The following PNPLA6 variants were observed in gnomAD, a reference collection of about 807,000 sequenced individuals.
PNPLA6 encodes patatin-like phospholipase domain-containing protein 6.
Under a neutral mutation model 153.7 loss-of-function variants are expected in PNPLA6, and 105 were observed. The ratio of observed to expected loss-of-function variants is 0.68; its 90% CI spans 0.58 to 0.80. The LOEUF is 0.80. PNPLA6 is among the 30% of genes least tolerant of loss of function. The pLI, the probability that PNPLA6 is intolerant of heterozygous loss-of-function variation, is 0.00. For missense variants in PNPLA6, 1,423 were observed against 1,919.3 expected (o/e 0.74, Z 4.83); for synonymous variants, 825 against 822.2 (o/e 1.00, Z -0.06).
chr19:7,560,171 A>G lies in PNPLA6; in HGVS notation c.3700-477A>G, dbSNP rs372928533. Among the ~76,000 whole-genome samples, 3 of 152,246 alleles carry G rather than the reference A, an allele frequency of 2.0e-5. No individual in the cohort carries two copies. The East Asian group carries it at 5.8e-4, about 29-fold the overall frequency. ...ATAATATTAATTTTAAAAATTAAAG[A>G]TAAAAATAATAAAAATTTTTTTAAA... On this transcript the variant is annotated intron_variant, in intron 28 of 31. Coordinates refer to ENST00000600737, the MANE Select transcript of PNPLA6 (RefSeq NM_001166114.2).
chr19:7,535,492 A>T, upstream of PNPLA6: 1 of 1,551,442 alleles, frequency 6.4e-7, no homozygotes, highest in Non-Finnish European at 8.8e-7. The surrounding 1 kb of genome is among the most constrained non-coding windows in gnomAD (Gnocchi z 5.0). Flanking sequence ...GGTTCCTTCG[A>T]CTCCTTGATT....
At chr19:7,542,473 T>TACAG (rs1203312704) in intron 10 of PNPLA6, 88 bp from the exon 11 acceptor site, 1 of 991,122 alleles carries the variant, frequency 1.0e-6, no homozygotes, top group African/African-American at 1.6e-5. Context: ...TAGCTGGAAC[T>TACAG]ACAGGCCTGC....
In PNPLA6 at chr19:7,540,402, C is replaced by T. The variant is rs573550083; in HGVS notation, c.714+94C>T. ...GTAGAGCTGGTGGTCTTTGGAGATG[C>T]GTCATCGGGAGTCAGGGGAACGGGT... On this transcript the variant is annotated intron_variant, in intron 5 of 31. Coordinates refer to ENST00000600737, the MANE Select transcript of PNPLA6 (RefSeq NM_001166114.2). This position sits in a 1 kb window ranked among gnomAD's most constrained non-coding sequence, Gnocchi z 6.8. 1.8e-5 allele frequency: 25 copies of T among 1,380,156 alleles called. No individual in the cohort carries two copies. The African/African-American group carries it at 2.3e-4, about 12-fold the overall frequency. The allele number at this position is 1,380,156 out of a possible 1,614,324, so 85.5% of individuals were successfully genotyped here.
chr19:7,534,452 G>C (rs1305220473), upstream of PNPLA6: 4 of 154,934 alleles, frequency 2.6e-5, no homozygotes, highest in East Asian at 7.7e-4. Flanking sequence ...TCCAAGTAAC[G>C]ACTCGGAGTC....
At chr19:7,538,482 C>T (rs541684888) in intron 3 of PNPLA6, among the ~76,000 whole-genome samples, 1 of 151,956 alleles carries the variant, frequency 6.6e-6, no homozygotes, top group African/African-American at 2.4e-5. Flanking sequence ...CACGCCCAGC[C>T]AAAAAAGGAA....
intron 13 of PNPLA6, among the ~76,000 whole-genome samples, chr19:7,548,317 C>T (rs2023475893): frequency 6.6e-6 from 1 of 151,600 alleles, no homozygotes; most frequent in African/African-American, 2.4e-5. Flanking sequence ...GCACTCCAGC[C>T]TGGGCAACAG....
At position 7,550,362 on chromosome 19, in the gene PNPLA6, C is replaced by T. The variant is rs781473840; in HGVS notation, c.1879C>T (p.Pro627Ser). The part of the protein sequence containing the change: ...AAHTVAARMS[P>S]FVRQMDFAID... ...GCACACGGTGGCAGCCAGGATGTCG[C>T]CCTTCGTGCGCCAGATGGACTTCGC... The change falls in exon 15 of 32, where the codon CCC (proline) becomes TCC (serine). Residue 627 changes from proline (P) to serine (S), a missense_variant. Physicochemically the swap from Pro to Ser is moderately conservative, Grantham distance 74. Around this residue, in one of 10 missense-constraint regions of PNPLA6, gnomAD observed 119 missense variants for 163.7 expected, o/e 0.73. Coordinates refer to ENST00000600737, the MANE Select transcript of PNPLA6 (RefSeq NM_001166114.2). The T allele has an allele frequency of 6.2e-7, 1 of 1,612,202 alleles. No homozygotes were observed. The highest frequency in any genetic ancestry group is 1.3e-5 in the African/African-American group (1 of 74,948).
chr19:7,535,479 A>G, upstream of PNPLA6: 1 of 1,495,952 alleles, frequency 6.7e-7, no homozygotes, highest in Non-Finnish European at 9.1e-7. This position sits in a 1 kb window ranked among gnomAD's most constrained non-coding sequence, Gnocchi z 5.0. Context: ...GACGACTTGC[A>G]CGGGTTCCTT....
Position 7,555,171 on chromosome 19 carries a change from G to C in PNPLA6, c.2818-78G>C. 2.0e-6 allele frequency: 3 copies of C among 1,516,148 alleles called. No individual in the cohort carries two copies. The highest frequency in any genetic ancestry group is 2.7e-6 in the Non-Finnish European group (3 of 1,119,340). 93.9% of individuals were successfully genotyped at this position (1,516,148 alleles called of 1,614,324 possible). ...GCCTGGGAGGGCTGAGGACAGGCTCGAAGGTCAGGGTACCCCTGGGGGATC... is the reference window on the plus strand; with the variant it reads ...GCCTGGGAGGGCTGAGGACAGGCTCCAAGGTCAGGGTACCCCTGGGGGATC... On this transcript the variant is annotated intron_variant, in intron 22 of 31. Coordinates refer to ENST00000600737, the MANE Select transcript of PNPLA6 (RefSeq NM_001166114.2). This position sits in a 1 kb window ranked among gnomAD's most constrained non-coding sequence, Gnocchi z 6.3.
chr19:7,549,093 G>A (rs112984933), intron 13 of PNPLA6, among the ~76,000 whole-genome samples: 18,511 of 150,380 alleles, frequency 0.12, 1,592 homozygotes, highest in African/African-American at 0.24. Context: ...ATGAGCCATC[G>A]CGCCCGGCTA....
At chr19:7,547,702 A>G (rs959729245) in intron 13 of PNPLA6, among the ~76,000 whole-genome samples, 4 of 152,034 alleles carry the variant, frequency 2.6e-5, no homozygotes, top group African/African-American at 4.8e-5. Context: ...TAGTGACGCT[A>G]TCATAGCTCA....
At position 7,550,441 on chromosome 19, in the gene PNPLA6, A is replaced by G. The variant is rs370429845; in HGVS notation, c.1946+12A>G. On this transcript the variant is annotated intron_variant, in intron 15 of 31. Transcript: ENST00000600737. ...CGCGCGCTGTACAGGTGCAGCTCCC[A>G]CCGCGCTGCTCAGGCCCGGCCTAGG... 3.1e-6 allele frequency: 5 copies of G among 1,611,436 alleles called. No individual in the cohort carries two copies. The African/African-American group carries it at 5.3e-5, about 17-fold the overall frequency.
chr19:7,548,750 T>TAG (rs149393655), intron 13 of PNPLA6, among the ~76,000 whole-genome samples: 4,851 of 149,452 alleles, frequency 0.032, 100 homozygotes, highest in Middle Eastern at 0.12. Flanking sequence ...CATATATATA[T>TAG]AGAGAGAGAG....
At chr19:7,554,040 G>T in intron 19 of PNPLA6, 25 bp downstream of exon 19, 1 of 1,611,066 alleles carries the variant, frequency 6.2e-7, no homozygotes, top group South Asian at 1.1e-5. Context: ...GGTCATGGGT[G>T]GGGGCTGGCG....
At chr19:7,559,243 A>G (rs1192488894) in intron 28 of PNPLA6, 92 bp downstream of exon 28, 11 of 1,089,788 alleles carry the variant, frequency 1.0e-5, no homozygotes, top group Non-Finnish European at 5.6e-6. Flanking sequence ...GGAGGAATCC[A>G]GGAGGAATCC....
chr19:7,541,359 C>A lies in PNPLA6; in HGVS notation c.930C>A (p.Ile310=). The part of the protein sequence containing the change: ...PESLVRVVQI[I]MVRLQRVTFL... ...ACGCCCCTCGAGCCCTGCAGATCAT[C>A]ATGGTGCGGCTGCAGCGAGTCACCT... is the stretch of plus-strand genomic sequence containing the variant. Residue 310 remains isoleucine, a synonymous_variant, in exon 8 of 32, where the codon ATC becomes ATA. Coordinates refer to ENST00000600737, the MANE Select transcript of PNPLA6 (RefSeq NM_001166114.2). The surrounding 1 kb of genome is among the most constrained non-coding windows in gnomAD (Gnocchi z 5.2). 3.7e-6 allele frequency: 6 copies of A among 1,613,748 alleles called. No individual in the cohort carries two copies. Among genetic ancestry groups the A allele is most frequent in the Non-Finnish European group, 5.1e-6 (6 of 1,179,768 alleles).
Position 7,554,914 on chromosome 19 carries a change from A to G in PNPLA6, c.2656A>G (p.Thr886Ala), listed in dbSNP as rs2023804811. The part of the protein sequence containing the change: ...LGQLEQMLEN[T>A]AVRALKQLVL... ...GCAGCTGGAGCAGATGCTGGAGAAC[A>G]CGGCTGTGCGCGCCCTTAAGCAGCT... is the stretch of plus-strand genomic sequence containing the variant. The change falls in exon 22 of 32, where the codon ACG becomes GCG. Residue 886 changes from threonine to alanine, a missense_variant. Physicochemically the swap from Thr to Ala is moderately conservative, Grantham distance 58. This residue lies in a region of PNPLA6 where 643 missense variants were observed against 835.2 expected (regional missense o/e 0.77). Transcript: ENST00000600737. 5.0e-6 allele frequency: 8 copies of G among 1,587,438 alleles called. No homozygotes were observed. The highest frequency in any genetic ancestry group is 6.8e-6 in the Non-Finnish European group (8 of 1,172,310).
chr19:7,554,387 AG>A, intron 20 of PNPLA6, 115 bp downstream of exon 20: 1 of 1,233,402 alleles, frequency 8.1e-7, no homozygotes, highest in Non-Finnish European at 1.2e-6. Context: ...TCTTACCCAT[AG>A]GTCAATGGGG....
intron 13 of PNPLA6, among the ~76,000 whole-genome samples, chr19:7,546,329 T>C (rs148905896): frequency 6.6e-6 from 1 of 152,184 alleles, no homozygotes; most frequent in African/African-American, 2.4e-5. Flanking sequence ...AATTTACCCA[T>C]TTAAAGTATA....
Sources: allele counts gnomAD v4.1 joint callset (sites outside exome capture counted in the v4.1 genomes callset), GRCh38; gene constraint gnomAD v4.1.1; regional missense constraint gnomAD v4.1.1; non-coding constraint Gnocchi (gnomAD v3.1); transcripts MANE v1.5; gene names NCBI Gene and HGNC (gene_info 2026-07-23, HGNC 2026-07-21).